SNTG1: variants seen among roughly 807,000 people sequenced by gnomAD.
The protein encoded by SNTG1 is gamma-1-syntrophin.
SNTG1 carries 39 observed loss-of-function variants against 74.7 expected under a neutral mutation model. That is an observed-to-expected ratio of 0.52 (90% CI 0.40 to 0.68). The LOEUF is 0.68. Among genes scored for constraint, SNTG1 ranks in the 30% least tolerant of loss-of-function variants. The probability of loss-of-function intolerance (pLI) is 0.00; values close to 1 mark genes in which losing one functional copy is unlikely to be tolerated. For missense variants in SNTG1, 685 were observed against 609.5 expected, an observed-to-expected ratio of 1.12 and a Z score of -1.30; for synonymous variants, 254 against 217.1, an observed-to-expected ratio of 1.17 and a Z score of -1.49.
chr8:50,250,264 G>T (rs979720345), intron 2 of SNTG1, among the ~76,000 whole-genome samples: 26 of 150,626 alleles, frequency 1.7e-4, no homozygotes, highest in African/African-American at 6.1e-4. Context: ...AACCCTATCA[G>T]AAAAAAATTT....
chr8:50,473,038 C>T (rs1114500), intron 8 of SNTG1, among the ~76,000 whole-genome samples: 110,118 of 151,968 alleles, frequency 0.72, 41,515 homozygotes, highest in East Asian at 0.85. Context: ...AGAAAACAAG[C>T]GTTGGCAAGT....
intron 2 of SNTG1, among the ~76,000 whole-genome samples, chr8:50,240,545 A>T (rs1220629767): frequency 2.6e-5 from 4 of 152,198 alleles, no homozygotes; most frequent in Non-Finnish European, 5.9e-5. Context: ...ACAAGATTTT[A>T]TATATTATGT....
intron 4 of SNTG1, among the ~76,000 whole-genome samples, chr8:50,432,950 C>A (rs529485120): frequency 6.6e-6 from 1 of 151,736 alleles, no homozygotes; most frequent in Non-Finnish European, 1.5e-5. Flanking sequence ...TCTCCATGCT[C>A]GGCTAATTTT....
At chr8:50,138,675 T>C (rs964892396) in intron 1 of SNTG1, among the ~76,000 whole-genome samples, 1 of 148,644 alleles carries the variant, frequency 6.7e-6, no homozygotes, top group Non-Finnish European at 1.5e-5. Context: ...AATAATTCCT[T>C]GAAAGACTCA....
chr8:50,246,874 C>CTTTTTTTTTTTTTGCTT, intron 2 of SNTG1, among the ~76,000 whole-genome samples: 1 of 152,278 alleles, frequency 6.6e-6, no homozygotes, highest in African/African-American at 2.4e-5. Flanking sequence ...GCCATTGCTT[C>CTTTTTTTTTTTTTGCTT]AATTGTGCTT....
rs1167342147 is a variant in SNTG1 at position 50,073,683 on chromosome 8, A to G, written c.-102-98878A>G. Among the ~76,000 whole-genome samples, 16 of 152,100 alleles carry G rather than the reference A, an allele frequency of 1.1e-4. 1 individual carries two copies. Among genetic ancestry groups the G allele is most frequent in the Admixed American group, 1.0e-3 (16 of 15,274 alleles). ...ACTCAAAATTACTCTTTGATCCATG[A>G]GCTGAGAAATGGATGTTGTGTTAAC... On this transcript the variant is annotated intron_variant, in intron 1 of 18. Coordinates refer to ENST00000642720, the MANE Select transcript of SNTG1 (RefSeq NM_018967.5).
chr8:49,969,385 ATCTTTTTTTTTTT>A (rs1268994752), intron 1 of SNTG1, among the ~76,000 whole-genome samples: 1 of 116,628 alleles, frequency 8.6e-6, no homozygotes, highest in Non-Finnish European at 1.7e-5. Context: ...AATTCATTTA[ATCTTTTTTTTTTT>A]TTTTTTTTTT....
intron 2 of SNTG1, among the ~76,000 whole-genome samples, chr8:50,229,027 G>A (rs73577235): frequency 0.017 from 2,649 of 151,650 alleles, 83 homozygotes; most frequent in African/African-American, 0.059. Context: ...TCTGTTGCAA[G>A]GTCCCTATAC....
At chr8:50,513,823 T>A (rs763840387) in intron 9 of SNTG1, among the ~76,000 whole-genome samples, 2 of 152,218 alleles carry the variant, frequency 1.3e-5, no homozygotes, top group Non-Finnish European at 2.9e-5. Flanking sequence ...CACCCCTTTC[T>A]TTGACTAGGA....
intron 16 of SNTG1, chr8:50,708,595 T>C (rs1266193646): frequency 6.4e-6 from 2 of 312,744 alleles, no homozygotes; most frequent in Non-Finnish European, 1.2e-5. Flanking sequence ...CCACCTTTAT[T>C]GTCAACACAG....
chr8:50,185,831 A>G (rs948736607), intron 2 of SNTG1, among the ~76,000 whole-genome samples: 4 of 149,912 alleles, frequency 2.7e-5, no homozygotes, highest in African/African-American at 9.8e-5. Flanking sequence ...TATTTTATTT[A>G]TTTTTTTTTA....
intron 2 of SNTG1, among the ~76,000 whole-genome samples, chr8:50,327,007 T>C (rs2090775721): frequency 6.6e-6 from 1 of 152,166 alleles, no homozygotes; most frequent in South Asian, 2.1e-4. Flanking sequence ...TTTCTAGATA[T>C]CTTTCTGTTA....
rs1452463434 is a variant in SNTG1 at position 50,054,567 on chromosome 8, A to G, written c.-102-117994A>G. ...TACTGTTGCCAAAATGTTCCTTCTC[A>G]TGAGAGCATTTCTCAGTGGCTTCCA... On this transcript the variant is annotated intron_variant, in intron 1 of 18. Coordinates refer to ENST00000642720, the MANE Select transcript of SNTG1 (RefSeq NM_018967.5). Among the ~76,000 whole-genome samples the G allele has an allele frequency of 2.0e-5, 3 of 152,022 alleles. No homozygotes were observed. In the East Asian group the frequency reaches 5.8e-4, roughly 29 times the overall value.
intron 13 of SNTG1, among the ~76,000 whole-genome samples, chr8:50,595,091 A>G (rs1359468513): frequency 2.0e-5 from 3 of 150,566 alleles, no homozygotes; most frequent in Admixed American, 2.0e-4. Flanking sequence ...TGAAACTGAC[A>G]ATTGGTCTTT....
At chr8:50,266,271 G>A (rs925719101) in intron 2 of SNTG1, among the ~76,000 whole-genome samples, 5 of 151,936 alleles carry the variant, frequency 3.3e-5, no homozygotes, top group Non-Finnish European at 4.4e-5. Context: ...TTAAAATTCC[G>A]AAAAATAAGT....
intron 18 of SNTG1, among the ~76,000 whole-genome samples, chr8:50,775,040 C>A (rs1439405950): frequency 6.7e-6 from 1 of 150,052 alleles, no homozygotes; most frequent in Non-Finnish European, 1.5e-5. Flanking sequence ...AGTGTTATAA[C>A]CCCCAAAATA....
intron 8 of SNTG1, among the ~76,000 whole-genome samples, chr8:50,469,051 G>A (rs1433197256): frequency 1.3e-5 from 2 of 152,116 alleles, no homozygotes; most frequent in African/African-American, 4.8e-5. Flanking sequence ...AAGCAAGATA[G>A]TTTATTTACT....
At chr8:49,930,919 G>A (rs1333629170) in intron 1 of SNTG1, among the ~76,000 whole-genome samples, 1 of 152,036 alleles carries the variant, frequency 6.6e-6, no homozygotes, top group Non-Finnish European at 1.5e-5. Flanking sequence ...CACATCTATA[G>A]CAAATGATAC....
chr8:50,232,857 T>G (rs2085698708), intron 2 of SNTG1, among the ~76,000 whole-genome samples: 1 of 151,500 alleles, frequency 6.6e-6, no homozygotes, highest in South Asian at 2.1e-4. Flanking sequence ...TAAAATGCTG[T>G]GATATAAACT....
Sources: gnomAD v4.1 joint callset for allele counts (sites outside exome capture counted in the v4.1 genomes callset) on GRCh38, gnomAD v4.1.1 for gene constraint, MANE v1.5 for transcripts, NCBI Gene and HGNC (gene_info 2026-07-23, HGNC 2026-07-21) for gene names.